The following NEDD4L variants were observed in gnomAD, a reference collection of about 807,000 sequenced individuals.
The protein encoded by NEDD4L is E3 ubiquitin-protein ligase NEDD4-like.
A neutral mutation model predicts 148.9 loss-of-function variants in NEDD4L; 54 were observed. That is an observed-to-expected ratio of 0.36 (90% CI 0.29 to 0.45). NEDD4L has a LOEUF of 0.45. Among genes scored for constraint, NEDD4L ranks in the 20% least tolerant of loss-of-function variants. The pLI is 1.00. For synonymous variants in NEDD4L, 433 were observed against 440.7 expected, an observed-to-expected ratio of 0.98 and a Z score of 0.22; for missense variants, 856 against 1,233.8, an observed-to-expected ratio of 0.69 and a Z score of 4.59.
intron 2 of NEDD4L, among the ~76,000 whole-genome samples, chr18:58,172,352 G>T (rs1316710084): frequency 6.6e-6 from 1 of 152,194 alleles, no homozygotes; most frequent in Non-Finnish European, 1.5e-5. Flanking sequence ...ACAAGTCCTT[G>T]GTGTTTGGCC....
intron 14 of NEDD4L, 122 bp downstream of exon 14, chr18:58,341,291 A>G (rs2145170131): frequency 8.5e-7 from 1 of 1,174,354 alleles, no homozygotes; most frequent in East Asian, 2.6e-5. Flanking sequence ...AAGCTTTCTC[A>G]CAAAGAAAAT....
intron 2 of NEDD4L, chr18:58,194,035 G>A (rs947863942): frequency 5.3e-5 from 8 of 152,286 alleles, no homozygotes; most frequent in Non-Finnish European, 1.2e-4. Flanking sequence ...GGTGGGTAGG[G>A]AAGAGAACTT....
At chr18:58,241,118 A>T (rs2148342300) in intron 2 of NEDD4L, among the ~76,000 whole-genome samples, 1 of 152,306 alleles carries the variant, frequency 6.6e-6, no homozygotes, top group East Asian at 1.9e-4. Context: ...CCAGCAGCTA[A>T]CATTTATTAA....
In NEDD4L at chr18:58,182,630, T is replaced by C. The variant is rs2038989358; in HGVS notation, c.122+16769T>C. On this transcript the variant is annotated intron_variant, in intron 2 of 30. Transcript: ENST00000400345. Reference sequence around the variant, plus strand: ...CCAGGTAGCTGGGACTACAGGCACCTGCCACCACACCCAGCTAATTTTTGT... The same window carrying C: ...CCAGGTAGCTGGGACTACAGGCACCCGCCACCACACCCAGCTAATTTTTGT... 2.0e-5 allele frequency among the ~76,000 whole-genome samples: 3 copies of C among 149,620 alleles called. 1 individual carries two copies. In the Middle Eastern group the frequency reaches 0.01, roughly 516 times the overall value.
At chr18:58,350,911 GTT>G in intron 17 of NEDD4L, 78 bp from the exon 18 acceptor site, 1 of 1,119,828 alleles carries the variant, frequency 8.9e-7, no homozygotes, top group Non-Finnish European at 1.3e-6. Context: ...GTGTTCTATA[GTT>G]TTTAAATGTT....
intron 2 of NEDD4L, among the ~76,000 whole-genome samples, chr18:58,219,425 A>C (rs768012923): frequency 3.0e-4 from 45 of 152,322 alleles, no homozygotes; most frequent in South Asian, 6.2e-4. Flanking sequence ...TTTCAGAGGG[A>C]AACAGTGGTG....
At chr18:58,158,558 G>A (rs969705009) in intron 1 of NEDD4L, among the ~76,000 whole-genome samples, 1 of 152,138 alleles carries the variant, frequency 6.6e-6, no homozygotes, top group African/African-American at 2.4e-5. Context: ...CATAATAGCA[G>A]CCATTACCCA....
intron 5 of NEDD4L, among the ~76,000 whole-genome samples, chr18:58,262,356 C>T (rs920332805): frequency 2.6e-5 from 4 of 152,154 alleles, no homozygotes; most frequent in Admixed American, 6.5e-5. Flanking sequence ...TGGCTGGGCA[C>T]GGAGGCTCAT....
At chr18:58,221,452 A>G (rs2043761873) in intron 2 of NEDD4L, 1 of 623,054 alleles carries the variant, frequency 1.6e-6, no homozygotes, top group Non-Finnish European at 2.0e-6. Context: ...GGAGCTACTT[A>G]ACCTTATGGT....
chr18:58,254,131 T>C (rs1488250253), intron 5 of NEDD4L, among the ~76,000 whole-genome samples: 1 of 152,194 alleles, frequency 6.6e-6, no homozygotes, highest in Non-Finnish European at 1.5e-5. Flanking sequence ...ACACATACTT[T>C]TAGAAAACAG....
At chr18:58,169,577 A>C (rs956877996) in intron 2 of NEDD4L, among the ~76,000 whole-genome samples, 4 of 152,230 alleles carry the variant, frequency 2.6e-5, no homozygotes, top group Admixed American at 6.5e-5. Context: ...AAAAGAAAAA[A>C]ATAAAAAGCA....
chr18:58,102,344 T>G (rs1380704904), intron 1 of NEDD4L, among the ~76,000 whole-genome samples: 3 of 152,198 alleles, frequency 2.0e-5, no homozygotes, highest in Non-Finnish European at 4.4e-5. Flanking sequence ...CGGCTCACTT[T>G]CCTGAAACTT....
chr18:58,158,048 A>G (rs1233780382), intron 1 of NEDD4L, among the ~76,000 whole-genome samples: 1 of 152,238 alleles, frequency 6.6e-6, no homozygotes, highest in Admixed American at 6.5e-5. Context: ...AGTGACTGGT[A>G]TGTAGCAGGC....
chr18:58,350,780 C>T (rs994801595), intron 17 of NEDD4L, among the ~76,000 whole-genome samples: 3 of 152,212 alleles, frequency 2.0e-5, no homozygotes, highest in Admixed American at 1.3e-4. Flanking sequence ...ACAGTCAGCG[C>T]ATCTGAGACC....
intron 2 of NEDD4L, among the ~76,000 whole-genome samples, chr18:58,194,674 T>C (rs963257643): frequency 6.6e-6 from 1 of 152,060 alleles, no homozygotes; most frequent in Non-Finnish European, 1.5e-5. Context: ...ATTTTAAAAT[T>C]GGCCTCCCTA....
intron 5 of NEDD4L, among the ~76,000 whole-genome samples, chr18:58,273,708 T>C (rs976287443): frequency 2.6e-5 from 4 of 152,258 alleles, no homozygotes; most frequent in African/African-American, 4.8e-5. Context: ...AACGTGACCA[T>C]GTAACAAGTT....
chr18:58,195,211 A>G (rs1223892917), intron 2 of NEDD4L, among the ~76,000 whole-genome samples: 3 of 152,244 alleles, frequency 2.0e-5, no homozygotes. Context: ...CTCCAGGGTC[A>G]CCTGGGCCAA....
chr18:58,087,611 A>G (rs2083825282), intron 1 of NEDD4L, among the ~76,000 whole-genome samples: 1 of 152,200 alleles, frequency 6.6e-6, no homozygotes, highest in African/African-American at 2.4e-5. Flanking sequence ...ACAGTGGCTC[A>G]TGCCTGTAAT....
chr18:58,270,110 A>G (rs2148801603), intron 5 of NEDD4L, among the ~76,000 whole-genome samples: 1 of 152,336 alleles, frequency 6.6e-6, no homozygotes, highest in Non-Finnish European at 1.5e-5. Flanking sequence ...ACTTTTCTCC[A>G]GGTAACTAAA....
Sources: allele counts gnomAD v4.1 joint callset (sites outside exome capture counted in the v4.1 genomes callset), GRCh38; gene constraint gnomAD v4.1.1; transcripts MANE v1.5; gene names NCBI Gene and HGNC (gene_info 2026-07-23, HGNC 2026-07-21).